Variants in NFXL1 observed in about 807,000 individuals in gnomAD.
The protein encoded by NFXL1 is nuclear transcription factor, X-box binding like 1.
Under a neutral mutation model 123.3 loss-of-function variants are expected in NFXL1, and 66 were observed. That is an observed-to-expected ratio of 0.54 (90% confidence interval 0.44 to 0.66). The LOEUF (loss-of-function observed/expected upper bound fraction) is 0.66, where lower values mean the gene tolerates loss of function less well. Ranked by LOEUF, NFXL1 falls within the 30% of genes least tolerant of loss-of-function variation. The pLI is 0.00. For synonymous variants in NFXL1, 346 were observed against 360.8 expected (o/e 0.96, Z 0.46); for missense variants, 944 against 1,125.6 (o/e 0.84, Z 2.31).
chr4:47,896,017 G>A (rs184817693), intron 10 of NFXL1, among the ~76,000 whole-genome samples: 49 of 152,328 alleles, frequency 3.2e-4, no homozygotes, highest in Non-Finnish European at 4.4e-4. Context: ...GAGAGGGAAA[G>A]AGAATGGGGA....
At chr4:47,853,068 A>T (rs1734215096) in intron 20 of NFXL1, among the ~76,000 whole-genome samples, 1 of 152,046 alleles carries the variant, frequency 6.6e-6, no homozygotes, top group Admixed American at 6.6e-5. Context: ...ATTAACATGA[A>T]CAAACACTGG....
chr4:47,880,496 A>G (rs1281262895), intron 15 of NFXL1, among the ~76,000 whole-genome samples: 4 of 149,846 alleles, frequency 2.7e-5, no homozygotes, highest in Admixed American at 2.7e-4. Flanking sequence ...TGGAAAATGC[A>G]CAGCTGGTAA....
chr4:47,905,110 T>C (rs1410647122), intron 4 of NFXL1, 127 bp downstream of exon 4: 2 of 449,058 alleles, frequency 4.5e-6, no homozygotes, highest in African/African-American at 2.0e-5. Flanking sequence ...TCAATTCATA[T>C]ACAAAATTCT....
intron 12 of NFXL1, among the ~76,000 whole-genome samples, 197 bp downstream of exon 12, chr4:47,890,416 C>T (rs1015063718): frequency 6.6e-6 from 1 of 152,054 alleles, no homozygotes; most frequent in East Asian, 1.9e-4. Flanking sequence ...GTTACTGAAC[C>T]CTCTTAAGCT....
At chr4:47,873,866 T>C (rs553745686) in intron 18 of NFXL1, among the ~76,000 whole-genome samples, 87 of 152,388 alleles carry the variant, frequency 5.7e-4, no homozygotes, top group African/African-American at 2.1e-3. Flanking sequence ...TGGAAATCTG[T>C]TGTTTTGTGT....
At chr4:47,858,624 T>G (rs892591349) in intron 19 of NFXL1, among the ~76,000 whole-genome samples, 5 of 152,234 alleles carry the variant, frequency 3.3e-5, no homozygotes, top group Non-Finnish European at 7.3e-5. Flanking sequence ...ACTTTTAAAC[T>G]TTTAACATTG....
At chr4:47,887,805 TC>T (rs1160136378) in intron 12 of NFXL1, among the ~76,000 whole-genome samples, 1 of 152,096 alleles carries the variant, frequency 6.6e-6, no homozygotes, top group Non-Finnish European at 1.5e-5. Context: ...CTAAACAGTC[TC>T]CCTACTGACC....
intron 18 of NFXL1, among the ~76,000 whole-genome samples, chr4:47,865,625 G>T (rs185330943): frequency 5.9e-4 from 89 of 152,116 alleles, no homozygotes; most frequent in Non-Finnish European, 7.4e-5. Flanking sequence ...AACAGAAAAA[G>T]GTCCCCCTAA....
At chr4:47,907,788 G>T (rs534331789) in intron 3 of NFXL1, among the ~76,000 whole-genome samples, 1 of 152,124 alleles carries the variant, frequency 6.6e-6, no homozygotes, top group East Asian at 1.9e-4. Context: ...AGACATTATT[G>T]CATTTTCTAT....
intron 5 of NFXL1, among the ~76,000 whole-genome samples, chr4:47,902,002 T>G (rs990146785): frequency 2.0e-5 from 3 of 152,066 alleles, no homozygotes; most frequent in African/African-American, 4.8e-5. Context: ...GCCAACATGG[T>G]GAAACCCCAT....
At position 47,887,600 on chromosome 4, in the gene NFXL1, T is replaced by G. The variant is rs536888181; in HGVS notation, c.1544-1601A>C. On this transcript the variant is annotated intron_variant, in intron 12 of 22. Coordinates refer to ENST00000507489, the MANE Select transcript of NFXL1 (RefSeq NM_001278624.2). ...ATTTTACCTAAAGAATGACTACAAG[T>G]TGTATTTTTAAAGTTGATAGTGATA... Among the ~76,000 whole-genome samples the G allele has an allele frequency of 2.0e-5, 3 of 152,312 alleles. No homozygotes were observed. In the East Asian group the frequency reaches 5.8e-4, roughly 29 times the overall value.
chr4:47,898,842 C>A lies in NFXL1; in HGVS notation c.1004G>T (p.Cys335Phe). The A allele has an allele frequency of 6.2e-7, 1 of 1,613,796 alleles. No homozygotes were observed. Among genetic ancestry groups the A allele is most frequent in the Non-Finnish European group, 8.5e-7 (1 of 1,179,734 alleles). ...ACACTTTTGTCTACTAACTCTTGGA[C>A]AAGGCTGACAGCTTCCTAAAACCAG... is the stretch of plus-strand genomic sequence containing the variant. ...NPCHAGSCQP[C>F]PRVSRQKCVC... is the part of the protein sequence containing the mutation. The change falls in exon 8 of 23, where the codon TGT becomes TTT. Residue 335 changes from cysteine to phenylalanine, a missense_variant. Physicochemically the swap from Cys to Phe is radical, Grantham distance 205. Coordinates refer to ENST00000507489, the MANE Select transcript of NFXL1 (RefSeq NM_001278624.2).
Position 47,910,868 on chromosome 4 carries a change from C to T in NFXL1, c.362G>A (p.Gly121Glu), listed in dbSNP as rs1390012181. 2 of 1,599,608 alleles carry T rather than the reference C, an allele frequency of 1.3e-6. No homozygotes were observed. Among genetic ancestry groups the T allele is most frequent in the Non-Finnish European group, 1.7e-6 (2 of 1,174,128 alleles). ...TATAAACGTATTTGCAAGTATTTTTCCCTGTTTTCCTTCAAAATCTTCATC... is the reference window on the plus strand; with the variant it reads ...TATAAACGTATTTGCAAGTATTTTTTCCTGTTTTCCTTCAAAATCTTCATC... ...EGDEDFEGKQ[G>E]KILANTFITY... is the part of the protein sequence containing the mutation. The change falls in exon 3 of 23, where the codon GGA becomes GAA. Residue 121 changes from glycine to glutamate, a missense_variant. Transcript: ENST00000507489.
At chr4:47,864,449 C>A (rs1201668119) in intron 18 of NFXL1, among the ~76,000 whole-genome samples, 3 of 152,116 alleles carry the variant, frequency 2.0e-5, no homozygotes, top group Non-Finnish European at 4.4e-5. Flanking sequence ...CCTACCTTGT[C>A]TGATTGTAGG....
At position 47,894,291 on chromosome 4, in the gene NFXL1, C is replaced by T. The variant is rs1217584471; in HGVS notation, c.1341G>A (p.Lys447=). The change falls in exon 11 of 23, where the codon AAG becomes AAA. Residue 447 remains lysine (K), a synonymous_variant. Transcript: ENST00000507489. ...PCETCRQEVE[K]HCRCGKHTKR... is the part of the protein sequence containing the mutation. ...TTGTATGCTTTCCACAGCGACAATG[C>T]TTTTCCACTTCCTGGAAGAATAAAA... 2 of 1,585,304 alleles carry T rather than the reference C, an allele frequency of 1.3e-6. No individual in the cohort carries two copies. Among genetic ancestry groups the T allele is most frequent in the Non-Finnish European group, 1.7e-6 (2 of 1,166,466 alleles).
At chr4:47,874,207 C>A (rs1735606055) in intron 18 of NFXL1, among the ~76,000 whole-genome samples, 1 of 152,188 alleles carries the variant, frequency 6.6e-6, no homozygotes, top group African/African-American at 2.4e-5. Context: ...CTTTAATTTC[C>A]TTTAAGAATT....
Position 47,875,300 on chromosome 4 carries a change from A to C in NFXL1, c.2080-7T>G. Reference sequence around the variant, plus strand: ...GAAGGCATTCTGGGCCAGCCTGAAAAACAGCATGGAAATAAATCACCTAAG... The same window carrying C: ...GAAGGCATTCTGGGCCAGCCTGAAACACAGCATGGAAATAAATCACCTAAG... On this transcript the variant is annotated splice_polypyrimidine_tract_variant and splice_region_variant and intron_variant, in intron 17 of 22. Coordinates refer to ENST00000507489, the MANE Select transcript of NFXL1 (RefSeq NM_001278624.2). The C allele has an allele frequency of 1.2e-6, 2 of 1,606,340 alleles. No homozygotes were observed. The highest frequency in any genetic ancestry group is 2.2e-5 in the East Asian group (1 of 44,718).
intron 4 of NFXL1, among the ~76,000 whole-genome samples, chr4:47,904,077 C>T (rs1054999175): frequency 9.9e-5 from 15 of 152,086 alleles, no homozygotes; most frequent in Non-Finnish European, 1.9e-4. Context: ...TGGGTTACCC[C>T]CAAAGCGGTA....
intron 10 of NFXL1, among the ~76,000 whole-genome samples, chr4:47,895,036 G>C (rs992068781): frequency 6.6e-6 from 1 of 152,138 alleles, no homozygotes; most frequent in African/African-American, 2.4e-5. Context: ...TTCATCTTTT[G>C]TACACCTCAA....
Sources: gnomAD v4.1 joint callset for allele counts (sites outside exome capture counted in the v4.1 genomes callset) on GRCh38, gnomAD v4.1.1 for gene constraint, MANE v1.5 for transcripts, NCBI Gene and HGNC (gene_info 2026-07-23, HGNC 2026-07-21) for gene names.